The following FOXN3 variants were observed in gnomAD, a reference collection of about 807,000 sequenced individuals.
FOXN3 encodes the protein forkhead box N3.
A neutral mutation model predicts 38.4 loss-of-function variants in FOXN3; 7 were observed. The observed-to-expected ratio is 0.18, with a 90% CI of 0.10 to 0.34. FOXN3 has a LOEUF of 0.34. FOXN3 is among the 10% of genes least tolerant of loss of function. The pLI is 1.00. For missense variants in FOXN3, 456 were observed against 613.4 expected (o/e 0.74, Z 2.71); for synonymous variants, 230 against 242.2 (o/e 0.95, Z 0.47).
At chr14:89,257,271 T>C (rs1885653479) in intron 4 of FOXN3, among the ~76,000 whole-genome samples, 1 of 152,182 alleles carries the variant, frequency 6.6e-6, no homozygotes, top group Non-Finnish European at 1.5e-5. Context: ...GGTGTTACAA[T>C]AAGATGCAGG....
chr14:89,428,101 A>G (rs1892080479), intron 1 of FOXN3, among the ~76,000 whole-genome samples: 1 of 152,250 alleles, frequency 6.6e-6, no homozygotes, highest in South Asian at 2.1e-4. Context: ...AAAGAAAACA[A>G]TTGATTCTTC....
At chr14:89,440,606 G>A (rs539468509) in intron 1 of FOXN3, among the ~76,000 whole-genome samples, 11 of 152,070 alleles carry the variant, frequency 7.2e-5, no homozygotes, top group Non-Finnish European at 1.2e-4. Flanking sequence ...TTGCGACCCC[G>A]ACTCCTGCCC....
upstream of FOXN3, among the ~76,000 whole-genome samples, chr14:89,420,462 C>G (rs766006007): frequency 2.6e-5 from 4 of 152,186 alleles, no homozygotes; most frequent in Admixed American, 6.5e-5. Context: ...AGCTTCTCAC[C>G]TGGGGATGCC....
At chr14:89,288,865 G>A (rs1187800258) in intron 3 of FOXN3, among the ~76,000 whole-genome samples, 1 of 150,626 alleles carries the variant, frequency 6.6e-6, no homozygotes, top group African/African-American at 2.4e-5. Flanking sequence ...AAGATACAAA[G>A]GACTATCATA....
intron 4 of FOXN3, among the ~76,000 whole-genome samples, chr14:89,192,894 C>T (rs1793653007): frequency 6.6e-6 from 1 of 151,636 alleles, no homozygotes; most frequent in Admixed American, 6.6e-5. Flanking sequence ...GTGGCTCCCA[C>T]TGCCCCGGGT....
chr14:89,518,776 G>A (rs1287110779), intron 1 of FOXN3, among the ~76,000 whole-genome samples: 1 of 152,132 alleles, frequency 6.6e-6, no homozygotes, highest in Non-Finnish European at 1.5e-5. Flanking sequence ...CAGCATTTTG[G>A]GAGGCTGAGG....
At chr14:89,478,792 C>T (rs773009629) in intron 1 of FOXN3, among the ~76,000 whole-genome samples, 5 of 151,770 alleles carry the variant, frequency 3.3e-5, no homozygotes, top group South Asian at 2.1e-4. Context: ...ATTAGCTAGG[C>T]GTGGTGGTGC....
intron 1 of FOXN3, among the ~76,000 whole-genome samples, chr14:89,520,090 T>C (rs1002630631): frequency 4.7e-5 from 7 of 149,920 alleles, no homozygotes; most frequent in Non-Finnish European, 1.0e-4. Context: ...CGCGGATCAC[T>C]GCAGCCTCCA....
chr14:89,557,410 G>A (rs1047097836), intron 1 of FOXN3, among the ~76,000 whole-genome samples: 4 of 152,162 alleles, frequency 2.6e-5, no homozygotes, highest in Non-Finnish European at 5.9e-5. Context: ...ATAAGGTGGT[G>A]AGATGTGCCA....
At chr14:89,491,112 G>A (rs377316627) in intron 1 of FOXN3, among the ~76,000 whole-genome samples, 35 of 151,706 alleles carry the variant, frequency 2.3e-4, no homozygotes, top group African/African-American at 7.7e-4. Context: ...ACAGGCATGC[G>A]CCACCACACC....
At chr14:89,289,785 A>G (rs530196564) in intron 3 of FOXN3, among the ~76,000 whole-genome samples, 1 of 152,334 alleles carries the variant, frequency 6.6e-6, no homozygotes, top group South Asian at 2.1e-4. Context: ...AAAAAACTGT[A>G]CATTTCTCAG....
chr14:89,463,984 A>G, intron 1 of FOXN3, among the ~76,000 whole-genome samples: 1 of 152,104 alleles, frequency 6.6e-6, no homozygotes, highest in Non-Finnish European at 1.5e-5. Flanking sequence ...GGGTTTCACC[A>G]TGTTGGCCAG....
chr14:89,422,618 A>G (rs1290621178), intron 1 of FOXN3, among the ~76,000 whole-genome samples: 1 of 152,196 alleles, frequency 6.6e-6, no homozygotes, highest in Non-Finnish European at 1.5e-5. Flanking sequence ...GCTGTGGAAA[A>G]GAGACGGCGC....
intron 3 of FOXN3, among the ~76,000 whole-genome samples, chr14:89,289,581 T>C (rs996612893): frequency 2.0e-5 from 3 of 152,220 alleles, no homozygotes; most frequent in African/African-American, 7.2e-5. Context: ...GAAATACATA[T>C]AAGATGAATA....
At chr14:89,256,784 A>G (rs1032934243) in intron 4 of FOXN3, among the ~76,000 whole-genome samples, 1 of 152,160 alleles carries the variant, frequency 6.6e-6, no homozygotes, top group Non-Finnish European at 1.5e-5. Context: ...GGTGAAATTT[A>G]GCTTTATTGA....
intron 4 of FOXN3, among the ~76,000 whole-genome samples, chr14:89,266,800 C>G (rs1416083784): frequency 2.0e-5 from 3 of 152,150 alleles, no homozygotes; most frequent in African/African-American, 7.2e-5. Context: ...ACCCTCCTGA[C>G]CGGCTCAATA....
chr14:89,371,725 G>C (rs1890323493), intron 2 of FOXN3, among the ~76,000 whole-genome samples: 1 of 152,060 alleles, frequency 6.6e-6, no homozygotes, highest in Admixed American at 6.6e-5. Flanking sequence ...GGAGGCACCA[G>C]AGCAAGCAGA....
chr14:89,496,844 A>T lies in FOXN3; in HGVS notation c.-14-84354T>A, dbSNP rs115964182. ...ATTCTACTTTGTCTCTATGATTTTG[A>T]CTCTTCTACCTCATAAAAGTGGAAC... On this transcript the variant is annotated intron_variant, in intron 1 of 6. Coordinates refer to the FOXN3 transcript ENST00000345097. 4.9e-3 allele frequency among the ~76,000 whole-genome samples: 737 copies of T among 151,506 alleles called. 8 individuals carry two copies. The highest frequency in any genetic ancestry group is 0.017 in the African/African-American group (703 of 41,262).
intron 2 of FOXN3, among the ~76,000 whole-genome samples, chr14:89,367,351 G>C (rs1053520081): frequency 6.6e-6 from 1 of 152,194 alleles, no homozygotes; most frequent in East Asian, 1.9e-4. Flanking sequence ...GTCTAACACC[G>C]ACTGCACCCT....
Sources: gnomAD v4.1 joint callset for allele counts (sites outside exome capture counted in the v4.1 genomes callset) on GRCh38, gnomAD v4.1.1 for gene constraint, MANE v1.5 for transcripts, NCBI Gene and HGNC (gene_info 2026-07-23, HGNC 2026-07-21) for gene names.